Variants in NDUFS4 observed in about 807,000 individuals in gnomAD.
The protein encoded by NDUFS4 is NADH dehydrogenase [ubiquinone] iron-sulfur protein 4, mitochondrial.
A neutral mutation model predicts 24.3 loss-of-function variants in NDUFS4; 28 were observed. The ratio of observed to expected loss-of-function variants is 1.15; its 90% CI spans 0.85 to 1.58. The LOEUF (loss-of-function observed/expected upper bound fraction) is 1.58, where lower values mean the gene tolerates loss of function less well. Ranked by LOEUF, NDUFS4 falls within the 40% of genes most tolerant of loss-of-function variation. The pLI is 0.00. For synonymous variants in NDUFS4, 93 were observed against 69.7 expected, an observed-to-expected ratio of 1.34 and a Z score of -1.67; for missense variants, 223 against 207.9, an observed-to-expected ratio of 1.07 and a Z score of -0.45.
intron 2 of NDUFS4, among the ~76,000 whole-genome samples, chr5:53,644,160 G>A (rs1279788579): frequency 6.6e-6 from 1 of 152,138 alleles, no homozygotes; most frequent in Non-Finnish European, 1.5e-5. Flanking sequence ...TGGCATATAT[G>A]CATCACAGTA....
intron 4 of NDUFS4, among the ~76,000 whole-genome samples, chr5:53,680,363 A>G (rs1740621243): frequency 6.6e-6 from 1 of 152,156 alleles, no homozygotes; most frequent in East Asian, 1.9e-4. Flanking sequence ...AAGGACTATA[A>G]ATCATGCTGC....
At chr5:53,639,926 G>A (rs779187574) in intron 2 of NDUFS4, among the ~76,000 whole-genome samples, 19 of 152,144 alleles carry the variant, frequency 1.2e-4, no homozygotes, top group Non-Finnish European at 2.9e-5. Context: ...TTCCAGGGAG[G>A]AGTTTTATAA....
chr5:53,625,546 T>G (rs1378300831), intron 2 of NDUFS4, among the ~76,000 whole-genome samples: 2 of 152,198 alleles, frequency 1.3e-5, no homozygotes, highest in African/African-American at 4.8e-5. Context: ...ACTTCCAGTC[T>G]TTTTCCACTA....
At chr5:53,645,241 A>C (rs567051943) in intron 2 of NDUFS4, among the ~76,000 whole-genome samples, 3 of 152,088 alleles carry the variant, frequency 2.0e-5, no homozygotes, top group Non-Finnish European at 4.4e-5. Context: ...ATTTACTTTG[A>C]TCAGATAAAG....
chr5:53,658,095 A>G (rs1431158247), intron 3 of NDUFS4, among the ~76,000 whole-genome samples: 1 of 152,138 alleles, frequency 6.6e-6, no homozygotes, highest in Non-Finnish European at 1.5e-5. Flanking sequence ...TAATGATGGA[A>G]GGTTTGTCAG....
intron 3 of NDUFS4, among the ~76,000 whole-genome samples, chr5:53,648,409 T>C (rs985171618): frequency 6.6e-6 from 1 of 152,208 alleles, no homozygotes; most frequent in African/African-American, 2.4e-5. Flanking sequence ...TTCCAAACTT[T>C]TTCATATGTA....
chr5:53,565,933 G>A (rs1235958031), intron 1 of NDUFS4, among the ~76,000 whole-genome samples: 2 of 152,166 alleles, frequency 1.3e-5, no homozygotes, highest in Non-Finnish European at 2.9e-5. Flanking sequence ...CAGCATTTTG[G>A]GAGGCCAAGG....
chr5:53,580,068 A>G (rs1203999930), intron 1 of NDUFS4, among the ~76,000 whole-genome samples: 3 of 152,222 alleles, frequency 2.0e-5, no homozygotes, highest in Admixed American at 1.3e-4. Flanking sequence ...TGTTGTTTCA[A>G]TCCACAAATT....
intron 1 of NDUFS4, among the ~76,000 whole-genome samples, chr5:53,594,872 T>TTGTG (rs60887057): frequency 0.099 from 14,760 of 148,478 alleles, 756 homozygotes; most frequent in Non-Finnish European, 0.13. Flanking sequence ...ATGTCTGTGT[T>TTGTG]TGTGTGTGTG....
At chr5:53,577,078 AG>A (rs1327866237) in intron 1 of NDUFS4, among the ~76,000 whole-genome samples, 2 of 152,072 alleles carry the variant, frequency 1.3e-5, no homozygotes, top group Admixed American at 1.3e-4. Flanking sequence ...GGTTTATTTG[AG>A]AGCTTGCCTG....
chr5:53,581,975 G>T (rs768040491), intron 1 of NDUFS4, among the ~76,000 whole-genome samples: 15 of 152,158 alleles, frequency 9.9e-5, no homozygotes, highest in Non-Finnish European at 1.9e-4. Flanking sequence ...ACTTTGGGAG[G>T]CCGAGGCAGG....
At chr5:53,632,890 G>C (rs1751445247) in intron 2 of NDUFS4, among the ~76,000 whole-genome samples, 2 of 152,138 alleles carry the variant, frequency 1.3e-5, no homozygotes, top group African/African-American at 4.8e-5. Flanking sequence ...CTTTGTTAAT[G>C]AATCTTTACT....
At chr5:53,586,401 C>G (rs1307868979) in intron 1 of NDUFS4, among the ~76,000 whole-genome samples, 1 of 151,166 alleles carries the variant, frequency 6.6e-6, no homozygotes, top group Admixed American at 6.6e-5. Flanking sequence ...ATTACTAAAT[C>G]TTTCCTTGAT....
At chr5:53,658,841 G>A (rs914584853) in intron 4 of NDUFS4, 34 of 481,374 alleles carry the variant, frequency 7.1e-5, no homozygotes, top group African/African-American at 7.0e-4. Context: ...GTAAAAGACA[G>A]ACTGCTCTAA....
At chr5:53,624,473 C>T (rs2112481836) in intron 2 of NDUFS4, among the ~76,000 whole-genome samples, 1 of 152,252 alleles carries the variant, frequency 6.6e-6, no homozygotes, top group South Asian at 2.1e-4. Context: ...TTGATGAACA[C>T]AGGATGTCTT....
chr5:53,660,782 G>A (rs1259870522), intron 4 of NDUFS4, among the ~76,000 whole-genome samples: 1 of 152,140 alleles, frequency 6.6e-6, no homozygotes, highest in Non-Finnish European at 1.5e-5. Context: ...GTGTCTTTTG[G>A]CTGCATAAAT....
intron 1 of NDUFS4, among the ~76,000 whole-genome samples, chr5:53,602,523 T>G (rs1288378970): frequency 6.6e-6 from 1 of 152,026 alleles, no homozygotes; most frequent in African/African-American, 2.4e-5. Flanking sequence ...TTATCAAAAT[T>G]GAACTTTTAG....
At chr5:53,579,544 A>C (rs1247556144) in intron 1 of NDUFS4, among the ~76,000 whole-genome samples, 2 of 152,156 alleles carry the variant, frequency 1.3e-5, no homozygotes, top group African/African-American at 2.4e-5. Flanking sequence ...CCTGTCTCCA[A>C]AAAAGTAAAA....
At chr5:53,595,719 CATAATT>C in intron 1 of NDUFS4, among the ~76,000 whole-genome samples, 1 of 152,128 alleles carries the variant, frequency 6.6e-6, no homozygotes, top group Admixed American at 6.5e-5. Flanking sequence ...GTTACGTGAA[CATAATT>C]ACCCTTATCC....
Sources: allele counts gnomAD v4.1 joint callset (sites outside exome capture counted in the v4.1 genomes callset), GRCh38; gene constraint gnomAD v4.1.1; transcripts MANE v1.5; gene names NCBI Gene and HGNC (gene_info 2026-07-23, HGNC 2026-07-21).